MYO6: variants seen among roughly 807,000 people sequenced by gnomAD.
MYO6 encodes unconventional myosin-VI.
A neutral mutation model predicts 178.7 loss-of-function variants in MYO6; 74 were observed. The ratio of observed to expected loss-of-function variants is 0.41; its 90% CI spans 0.34 to 0.50. The LOEUF (loss-of-function observed/expected upper bound fraction) is 0.50. Among genes scored for constraint, MYO6 ranks in the 20% least tolerant of loss-of-function variants. The pLI, the probability that MYO6 is intolerant of heterozygous loss-of-function variation, is 0.09. For synonymous variants in MYO6, 477 were observed against 504.6 expected (o/e 0.95, Z 0.73); for missense variants, 1,330 against 1,547.4 (o/e 0.86, Z 2.36).
chr6:75,793,273 A>G (rs1420053684), intron 1 of MYO6, among the ~76,000 whole-genome samples: 1 of 152,186 alleles, frequency 6.6e-6, no homozygotes, highest in African/African-American at 2.4e-5. Context: ...CAATTCTTAT[A>G]TAAGACAATT....
At chr6:75,766,254 T>A (rs966602049) in intron 1 of MYO6, among the ~76,000 whole-genome samples, 6 of 151,300 alleles carry the variant, frequency 4.0e-5, no homozygotes, top group African/African-American at 1.5e-4. Flanking sequence ...ACCCAGGAGG[T>A]GGAGGTTGCA....
intron 1 of MYO6, among the ~76,000 whole-genome samples, chr6:75,776,701 T>C (rs187630199): frequency 6.6e-6 from 1 of 150,744 alleles, no homozygotes; most frequent in African/African-American, 2.4e-5. Flanking sequence ...TTGGTAGAGA[T>C]GGGGTAGTGC....
At chr6:75,822,241 G>A (rs1432332399) in intron 2 of MYO6, among the ~76,000 whole-genome samples, 3 of 151,928 alleles carry the variant, frequency 2.0e-5, no homozygotes, top group African/African-American at 7.3e-5. Context: ...GGGATTACAG[G>A]GGTGCTGCAT....
chr6:75,762,930 C>T (rs1243131687), intron 1 of MYO6, among the ~76,000 whole-genome samples: 1 of 151,830 alleles, frequency 6.6e-6, no homozygotes, highest in East Asian at 1.9e-4. Context: ...CTGTGTTGCC[C>T]AGGCTGGTAT....
chr6:75,894,767 TATAG>T lies in MYO6; in HGVS notation c.3108-457_3108-454del, dbSNP rs771255781. 6.5e-6 allele frequency: 9 copies of T among 1,379,086 alleles called. No homozygotes were observed. The African/African-American group carries it at 1.3e-4, about 20-fold the overall frequency. 85.4% of individuals were successfully genotyped at this position (1,379,086 alleles called of 1,614,324 possible). A position where few individuals can be genotyped will look rare whatever the true frequency, so the allele number is the denominator to read the frequency against. On this transcript the variant is annotated intron_variant, in intron 28 of 34. Coordinates refer to ENST00000369977, the MANE Select transcript of MYO6 (RefSeq NM_004999.4). ...ATGCTGTGTTAAAAAATGTATATAT[TATAG>T]ATAGATTCTGCTTCAATAAGCAATT...
At chr6:75,752,584 G>T (rs907269227) in intron 1 of MYO6, among the ~76,000 whole-genome samples, 2 of 152,108 alleles carry the variant, frequency 1.3e-5, no homozygotes, top group Non-Finnish European at 2.9e-5. Context: ...CAGTTCACTT[G>T]GTGGACTGTT....
At chr6:75,877,630 G>C (rs1268297276) in intron 20 of MYO6, among the ~76,000 whole-genome samples, 1 of 151,992 alleles carries the variant, frequency 6.6e-6, no homozygotes, top group Admixed American at 6.6e-5. Flanking sequence ...AAGAAGGCAA[G>C]TTTTCTTCTT....
intron 5 of MYO6, among the ~76,000 whole-genome samples, chr6:75,831,586 G>A (rs1471058881): frequency 6.6e-6 from 1 of 152,180 alleles, no homozygotes; most frequent in Non-Finnish European, 1.5e-5. Flanking sequence ...GAAAAAACAA[G>A]TGTTTGGAAT....
At chr6:75,794,051 G>A (rs1277266278) in intron 1 of MYO6, among the ~76,000 whole-genome samples, 1 of 152,136 alleles carries the variant, frequency 6.6e-6, no homozygotes, top group East Asian at 1.9e-4. Context: ...TGGAGGGAAA[G>A]TAAAAATGTG....
intron 1 of MYO6, among the ~76,000 whole-genome samples, chr6:75,753,215 A>G (rs1205568353): frequency 1.3e-5 from 2 of 152,042 alleles, no homozygotes; most frequent in East Asian, 1.9e-4. Context: ...GGTGGCTACC[A>G]TTACGGATTT....
intron 1 of MYO6, among the ~76,000 whole-genome samples, chr6:75,772,756 G>A (rs1016066872): frequency 2.6e-5 from 4 of 152,150 alleles, no homozygotes; most frequent in Admixed American, 2.6e-4. Context: ...TGTCAGGTAG[G>A]CATTAAGTCA....
In MYO6 at chr6:75,840,688, TGA is replaced by T; in HGVS notation, c.651+10_651+11del. On this transcript the variant is annotated splice_region_variant and intron_variant, in intron 8 of 34. Coordinates refer to ENST00000369977, the MANE Select transcript of MYO6 (RefSeq NM_004999.4). Reference sequence around the variant, plus strand: ...AAATACATTTTAATGAAAAGGTAAGTGAGAGTAAGCTTTGGAATGATATTTTT... The same window carrying T: ...AAATACATTTTAATGAAAAGGTAAGTGAGTAAGCTTTGGAATGATATTTTT... The T allele has an allele frequency of 6.3e-7, 1 of 1,592,068 alleles. No homozygotes were observed. Among genetic ancestry groups the T allele is most frequent in the Admixed American group, 1.7e-5 (1 of 59,946 alleles).
At position 75,901,091 on chromosome 6, in the gene MYO6, A is replaced by G. The variant is rs143096075; in HGVS notation, c.3176+2680A>G. ...GGGCTCTGTTCTGTTGCATTGATCT[A>G]TATCTCTATTTTGGTACCAGTAGCA... On this transcript the variant is annotated intron_variant, in intron 30 of 34. Transcript: ENST00000369977. Among the ~76,000 whole-genome samples, 399 of 152,276 alleles carry G rather than the reference A, an allele frequency of 2.6e-3. 3 individuals are homozygous for G. Among genetic ancestry groups the G allele is most frequent in the African/African-American group, 8.8e-3 (364 of 41,532 alleles).
chr6:75,757,185 CACAT>C (rs1777499973), intron 1 of MYO6, among the ~76,000 whole-genome samples: 4 of 145,890 alleles, frequency 2.7e-5, no homozygotes, highest in Non-Finnish European at 4.5e-5. Context: ...CATATATACA[CACAT>C]ATATTGTGTA....
chr6:75,798,732 C>CA (rs1401969906), intron 1 of MYO6, among the ~76,000 whole-genome samples: 1 of 151,792 alleles, frequency 6.6e-6, no homozygotes, highest in Non-Finnish European at 1.5e-5. Flanking sequence ...TTACTCACAC[C>CA]ACTCTTATTC....
At chr6:75,913,800 T>G (rs2149432455) in intron 33 of MYO6, among the ~76,000 whole-genome samples, 1 of 152,076 alleles carries the variant, frequency 6.6e-6, no homozygotes, top group South Asian at 2.1e-4. Flanking sequence ...CTGACAGGGG[T>G]TTGTTGCTGG....
At chr6:75,905,490 G>T (rs919955000) in intron 30 of MYO6, among the ~76,000 whole-genome samples, 2 of 152,206 alleles carry the variant, frequency 1.3e-5, no homozygotes, top group African/African-American at 4.8e-5. Flanking sequence ...TCCAGGTGCC[G>T]TCTGTCACCC....
chr6:75,898,354 AT>A lies in MYO6; in HGVS notation c.3138-17del, dbSNP rs2149387826. 1.3e-6 allele frequency: 2 copies of A among 1,569,844 alleles called. No individual in the cohort carries two copies. Among genetic ancestry groups the A allele is most frequent in the East Asian group, 4.5e-5 (2 of 44,566 alleles). On this transcript the variant is annotated intron_variant, in intron 29 of 34. Coordinates refer to ENST00000369977, the MANE Select transcript of MYO6 (RefSeq NM_004999.4). The stretch of plus-strand genomic sequence containing the variant: ...TATGACTTTTATGTAACCATATTGT[AT>A]TATCGTTTTTCTTGTAGGGAACAAA...
At chr6:75,757,169 T>G (rs1243353542) in intron 1 of MYO6, among the ~76,000 whole-genome samples, 2 of 147,822 alleles carry the variant, frequency 1.4e-5, no homozygotes, top group Non-Finnish European at 3.0e-5. Context: ...TGTATGTATA[T>G]ACACACATAT....
Sources: allele counts gnomAD v4.1 joint callset (sites outside exome capture counted in the v4.1 genomes callset), GRCh38; gene constraint gnomAD v4.1.1; transcripts MANE v1.5; gene names NCBI Gene and HGNC (gene_info 2026-07-23, HGNC 2026-07-21).